Variants in THSD4 observed in about 807,000 individuals in gnomAD.
THSD4 encodes thrombospondin type 1 domain containing 4.
In THSD4, 69 loss-of-function variants were observed where a neutral mutation model predicts 119.0. That is an observed-to-expected ratio of 0.58 (90% CI 0.48 to 0.71). THSD4 has a LOEUF of 0.71. Ranked by LOEUF, THSD4 falls within the 30% of genes least tolerant of loss-of-function variation. The pLI, the probability that THSD4 is intolerant of heterozygous loss-of-function variation, is 0.00. For missense variants in THSD4, 1,393 were observed against 1,391.1 expected (o/e 1.00, Z -0.02); for synonymous variants, 524 against 540.4 (o/e 0.97, Z 0.42).
intron 7 of THSD4, among the ~76,000 whole-genome samples, chr15:71,438,166 C>A (rs1281668534): frequency 1.3e-5 from 2 of 152,224 alleles, no homozygotes; most frequent in East Asian, 3.8e-4. Flanking sequence ...GAACCACTTA[C>A]ATTCCTTTTG....
In THSD4 at chr15:71,154,864, G is replaced by A; in HGVS notation, c.31G>A (p.Val11Ile). 6.2e-7 allele frequency: 1 copy of A among 1,614,120 alleles called. No homozygotes were observed. Reference sequence around the variant, plus strand: ...CCTGTTGCTATTTTCCCTTTTCAGTGTCCTGTGTTTCCTTCTGCTGCTTGG... The same window carrying A: ...CCTGTTGCTATTTTCCCTTTTCAGTATCCTGTGTTTCCTTCTGCTGCTTGG... MVSHFMGSLS[V>I]LCFLLLLGFQ... The change falls in exon 3 of 18, where the codon GTC (valine) becomes ATC (isoleucine). Residue 11 changes from valine (V) to isoleucine (I), a missense_variant and splice_region_variant. Transcript: ENST00000261862.
At chr15:71,204,792 T>C (rs1401032521) in intron 3 of THSD4, among the ~76,000 whole-genome samples, 1 of 152,212 alleles carries the variant, frequency 6.6e-6, no homozygotes, top group African/African-American at 2.4e-5. Context: ...TTAGCTTACG[T>C]ACCATGTGAG....
chr15:71,341,386 T>C, intron 6 of THSD4: 5 of 1,612,000 alleles, frequency 3.1e-6, no homozygotes, highest in Non-Finnish European at 4.2e-6. Flanking sequence ...CCAGAGAATC[T>C]ACATCTAAAC....
At chr15:71,683,969 A>G (rs372680574) in intron 8 of THSD4, among the ~76,000 whole-genome samples, 1 of 152,166 alleles carries the variant, frequency 6.6e-6, no homozygotes, top group East Asian at 1.9e-4. Context: ...GCAAGACTCC[A>G]TCTCAAAACA....
At chr15:71,493,265 G>T (rs924697272) in intron 7 of THSD4, among the ~76,000 whole-genome samples, 1 of 152,224 alleles carries the variant, frequency 6.6e-6, no homozygotes, top group African/African-American at 2.4e-5. Flanking sequence ...TGAATTGTGA[G>T]ACCACCTGCG....
chr15:71,514,303 C>G (rs78720784), intron 7 of THSD4, among the ~76,000 whole-genome samples: 1,891 of 152,320 alleles, frequency 0.012, 13 homozygotes, highest in Non-Finnish European at 0.02. Context: ...GAAAGAGGCC[C>G]TTCCATCGTG....
chr15:71,679,233 A>G (rs189878310), intron 8 of THSD4, among the ~76,000 whole-genome samples: 6 of 152,328 alleles, frequency 3.9e-5, no homozygotes, highest in African/African-American at 1.4e-4. Flanking sequence ...GGAGAAATTA[A>G]CTCTAATAGG....
chr15:71,173,100 T>C (rs984318189), intron 3 of THSD4, among the ~76,000 whole-genome samples: 3 of 152,074 alleles, frequency 2.0e-5, no homozygotes, highest in African/African-American at 7.2e-5. Flanking sequence ...TCTTCACAGA[T>C]GATATGATCT....
intron 7 of THSD4, among the ~76,000 whole-genome samples, chr15:71,574,251 C>T (rs2049408370): frequency 6.6e-6 from 1 of 152,122 alleles, no homozygotes; most frequent in Non-Finnish European, 1.5e-5. Context: ...TATTGTGTGT[C>T]AATGCAATGG....
At chr15:71,112,312 A>G, upstream of THSD4, 1 of 1,343,998 alleles carries the variant, frequency 7.4e-7, no homozygotes, top group Non-Finnish European at 1.0e-6. Context: ...AAGAGAATGA[A>G]GGGGGGTACT....
intron 6 of THSD4, among the ~76,000 whole-genome samples, chr15:71,323,122 T>C (rs371005271): frequency 2.2e-5 from 3 of 138,772 alleles, no homozygotes; most frequent in African/African-American, 8.3e-5. Flanking sequence ...AAAAAAAAGA[T>C]CGTAGTCTTC....
At chr15:71,186,698 A>G (rs767835148) in intron 3 of THSD4, 1 of 152,270 alleles carries the variant, frequency 6.6e-6, no homozygotes, top group Non-Finnish European at 1.5e-5. Context: ...GTCTGGTTCA[A>G]GTCTGTATTC....
intron 6 of THSD4, among the ~76,000 whole-genome samples, chr15:71,408,781 G>T (rs2046642280): frequency 6.6e-6 from 1 of 152,128 alleles, no homozygotes; most frequent in Non-Finnish European, 1.5e-5. Context: ...GAGCCTGGGA[G>T]GTCAAGGTTG....
chr15:71,553,118 C>T (rs568958981), intron 7 of THSD4, among the ~76,000 whole-genome samples: 16 of 152,084 alleles, frequency 1.1e-4, no homozygotes, highest in African/African-American at 2.7e-4. Flanking sequence ...CATTTATAAA[C>T]GTAAGGGTAT....
At chr15:71,234,505 C>G (rs369064781) in intron 4 of THSD4, among the ~76,000 whole-genome samples, 2 of 152,142 alleles carry the variant, frequency 1.3e-5, no homozygotes, top group South Asian at 2.1e-4. Flanking sequence ...GGGGTTTCAC[C>G]ATGTTGGCCA....
chr15:71,588,488 G>T (rs1379992299), intron 7 of THSD4, among the ~76,000 whole-genome samples: 1 of 151,702 alleles, frequency 6.6e-6, no homozygotes, highest in Non-Finnish European at 1.5e-5. Flanking sequence ...CAGTGATGCA[G>T]TCTCTGCTTA....
intron 3 of THSD4, chr15:71,187,102 A>C (rs1338978174): frequency 3.9e-5 from 6 of 152,336 alleles, no homozygotes; most frequent in African/African-American, 1.5e-4. Context: ...GGACAGAAAA[A>C]CCCAGAGCCC....
rs548536236 is a variant in THSD4 at position 71,751,343 on chromosome 15, T to C, written c.2415+2749T>C. 9.8e-5 allele frequency among the ~76,000 whole-genome samples: 15 copies of C among 152,332 alleles called. No individual in the cohort carries two copies. In the South Asian group the frequency reaches 2.9e-3, roughly 29 times the overall value. On this transcript the variant is annotated intron_variant, in intron 14 of 17. Coordinates refer to ENST00000261862, the MANE Select transcript of THSD4 (RefSeq NM_024817.3). ...TTTCTGGTTAAAAAGTAACACAGTATTGTTTTAAGAATATGAGAAATTTGG... is the reference window on the plus strand; with the variant it reads ...TTTCTGGTTAAAAAGTAACACAGTACTGTTTTAAGAATATGAGAAATTTGG...
chr15:71,343,213 A>G (rs914584160), intron 6 of THSD4, among the ~76,000 whole-genome samples: 19 of 152,172 alleles, frequency 1.2e-4, no homozygotes, highest in Non-Finnish European at 1.9e-4. Context: ...GCGAGACCCT[A>G]TCTCTAGTAG....
Sources: gnomAD v4.1 joint callset for allele counts (sites outside exome capture counted in the v4.1 genomes callset) on GRCh38, gnomAD v4.1.1 for gene constraint, MANE v1.5 for transcripts, NCBI Gene and HGNC (gene_info 2026-07-23, HGNC 2026-07-21) for gene names.